The following ABCD3 variants were observed in gnomAD, a reference collection of about 807,000 sequenced individuals.
The protein encoded by ABCD3 is ATP binding cassette subfamily D member 3, also known as ATP-binding cassette sub-family D member 3.
ABCD3 carries 41 observed loss-of-function variants against 105.5 expected under a neutral mutation model. The ratio of observed to expected loss-of-function variants is 0.39; its 90% CI spans 0.30 to 0.50. ABCD3 has a LOEUF of 0.50. ABCD3 is among the 20% of genes least tolerant of loss of function. ABCD3 has a pLI of 0.84. For missense variants in ABCD3, 622 were observed against 806.3 expected, an observed-to-expected ratio of 0.77 and a Z score of 2.77; for synonymous variants, 258 against 269.0, an observed-to-expected ratio of 0.96 and a Z score of 0.40.
chr1:94,469,668 T>C (rs1648353609), intron 4 of ABCD3, among the ~76,000 whole-genome samples: 1 of 141,160 alleles, frequency 7.1e-6, no homozygotes. Flanking sequence ...CTTGCCTTTT[T>C]TTTTTTTTTT....
chr1:94,485,080 A>G (rs919213834), intron 10 of ABCD3, among the ~76,000 whole-genome samples: 2 of 152,200 alleles, frequency 1.3e-5, no homozygotes, highest in African/African-American at 4.8e-5. Flanking sequence ...CTTTACTTAA[A>G]AAAACAAGTA....
chr1:94,464,638 A>C (rs1557674132), intron 2 of ABCD3, 137 bp from the exon 3 acceptor site: 5 of 751,824 alleles, frequency 6.7e-6, no homozygotes, highest in Non-Finnish European at 1.2e-5. Context: ...GAGCAGTGTA[A>C]GTATGCAAGT....
chr1:94,413,287 C>A, the ABCD3 span, among the ~76,000 whole-genome samples: 9 of 151,788 alleles, frequency 5.9e-5, no homozygotes, highest in East Asian at 1.2e-3. Context: ...GGTATGTATT[C>A]AATTTTTTTT....
At chr1:94,405,199 T>G in the ABCD3 span, among the ~76,000 whole-genome samples, 1 of 152,178 alleles carries the variant, frequency 6.6e-6, no homozygotes, top group African/African-American at 2.4e-5. Context: ...CTGTATAGTT[T>G]TATATTTGAA....
upstream of ABCD3, among the ~76,000 whole-genome samples, chr1:94,416,952 C>T (rs1659042182): frequency 6.6e-6 from 1 of 152,348 alleles, no homozygotes; most frequent in East Asian, 1.9e-4. Context: ...CACATTTCTA[C>T]ATAGCTGTCC....
the ABCD3 span, among the ~76,000 whole-genome samples, chr1:94,394,000 T>A: frequency 6.6e-6 from 1 of 152,204 alleles, no homozygotes; most frequent in Non-Finnish European, 1.5e-5. Context: ...ATGGTATAGG[T>A]TGCCTCTGAA....
intron 1 of ABCD3, among the ~76,000 whole-genome samples, chr1:94,441,278 T>C (rs1484112165): frequency 1.3e-5 from 2 of 152,278 alleles, no homozygotes; most frequent in Admixed American, 6.5e-5. Flanking sequence ...ACTTAAAATA[T>C]GAGAAATGCA....
At chr1:94,418,662 G>A in intron 1 of ABCD3, 74 bp downstream of exon 1, 1 of 1,458,118 alleles carries the variant, frequency 6.9e-7, no homozygotes, top group Non-Finnish European at 9.3e-7. Context: ...CTCCCCACCC[G>A]GCCGACAGGT....
chr1:94,413,477 G>C (rs1229845720), upstream of ABCD3, among the ~76,000 whole-genome samples: 1 of 152,150 alleles, frequency 6.6e-6, no homozygotes, highest in Non-Finnish European at 1.5e-5. Context: ...TAGTGAGACA[G>C]GACTATCTGA....
chr1:94,470,351 A>G (rs545179886), intron 4 of ABCD3, among the ~76,000 whole-genome samples: 2 of 152,318 alleles, frequency 1.3e-5, no homozygotes, highest in East Asian at 3.9e-4. Flanking sequence ...TCTGGGCCCC[A>G]CCACTAGAGA....
In ABCD3 at chr1:94,467,949, C is replaced by G; in HGVS notation, c.277C>G (p.Leu93Val). 6.2e-7 allele frequency: 1 copy of G among 1,613,346 alleles called. No homozygotes were observed. Among genetic ancestry groups the G allele is most frequent in the Non-Finnish European group, 8.5e-7 (1 of 1,179,540 alleles). The change falls in exon 4 of 23, where the codon CTG becomes GTG. Residue 93 changes from leucine (L) to valine (V), a missense_variant. Physicochemically the swap from Leu to Val is conservative, Grantham distance 32. Transcript: ENST00000370214. ...TGYLVLIAVM[L>V]VSRTYCDVWM... ...TTACTTGGTACTTATTGCTGTTATG[C>G]TGGTGTCTCGAACATATTGTGATGT...
intron 2 of ABCD3, among the ~76,000 whole-genome samples, chr1:94,461,290 T>A (rs1295799028): frequency 6.6e-6 from 1 of 152,040 alleles, no homozygotes; most frequent in East Asian, 1.9e-4. Context: ...TCCTTTGTGA[T>A]GGAGATAGGG....
At chr1:94,433,675 C>T (rs1327662988) in intron 1 of ABCD3, among the ~76,000 whole-genome samples, 2 of 138,910 alleles carry the variant, frequency 1.4e-5, no homozygotes, top group African/African-American at 2.7e-5. Flanking sequence ...TAGACAGTGT[C>T]TGGATCTGTC....
intron 20 of ABCD3, 21 bp from the exon 21 acceptor site, chr1:94,506,517 A>G (rs749319761): frequency 7.0e-6 from 11 of 1,575,170 alleles, no homozygotes; most frequent in African/African-American, 1.3e-5. Context: ...TTTTACACAA[A>G]AAATTTTTTT....
intron 1 of ABCD3, among the ~76,000 whole-genome samples, chr1:94,438,301 T>C (rs78636846): frequency 0.029 from 3,677 of 127,918 alleles, 41 homozygotes; most frequent in Middle Eastern, 0.061. Flanking sequence ...CACACACACA[T>C]ACACACACAC....
the ABCD3 span, among the ~76,000 whole-genome samples, chr1:94,391,387 G>A: frequency 5.3e-5 from 8 of 152,254 alleles, no homozygotes; most frequent in East Asian, 5.8e-4. Flanking sequence ...GCCCTGACTT[G>A]TCAGCCATTG....
chr1:94,486,466 G>A (rs183652110), intron 10 of ABCD3, among the ~76,000 whole-genome samples: 2 of 152,268 alleles, frequency 1.3e-5, no homozygotes, highest in East Asian at 3.9e-4. Context: ...TCTGACACAT[G>A]GTAGTCATTG....
chr1:94,454,543 A>G lies in ABCD3; in HGVS notation c.111-4064A>G, dbSNP rs1206103530. On this transcript the variant is annotated intron_variant, in intron 1 of 22. Coordinates refer to ENST00000370214, the MANE Select transcript of ABCD3 (RefSeq NM_002858.4). ...TGAGGGAGGGGGTCAGAGAAAGGGTAGATAGTTGATTTTGTGGTTTGACTG... is the reference window on the plus strand; with the variant it reads ...TGAGGGAGGGGGTCAGAGAAAGGGTGGATAGTTGATTTTGTGGTTTGACTG... Among the ~76,000 whole-genome samples, 7 of 152,152 alleles carry G rather than the reference A, an allele frequency of 4.6e-5. 1 individual carries two copies. Among genetic ancestry groups the G allele is most frequent in the Admixed American group, 2.6e-4 (4 of 15,280 alleles).
chr1:94,509,974 T>A (rs1413155272), intron 21 of ABCD3, among the ~76,000 whole-genome samples: 1 of 152,212 alleles, frequency 6.6e-6, no homozygotes, highest in East Asian at 1.9e-4. Context: ...AAGGGCTTTT[T>A]ATGTCTCTAT....
Sources: gnomAD v4.1 joint callset for allele counts (sites outside exome capture counted in the v4.1 genomes callset) on GRCh38, gnomAD v4.1.1 for gene constraint, MANE v1.5 for transcripts, NCBI Gene and HGNC (gene_info 2026-07-23, HGNC 2026-07-21) for gene names.